CADM2: variants seen among roughly 807,000 people sequenced by gnomAD.
The protein encoded by CADM2 is cell adhesion molecule 2.
In CADM2, 12 loss-of-function variants were observed where a neutral mutation model predicts 49.8. The ratio of observed to expected loss-of-function variants is 0.24; its 90% confidence interval spans 0.15 to 0.39. The LOEUF (loss-of-function observed/expected upper bound fraction) is 0.39, where lower values mean the gene tolerates loss of function less well. Ranked by LOEUF, CADM2 falls within the 10% of genes least tolerant of loss-of-function variation. The probability of loss-of-function intolerance (pLI) is 1.00; values close to 1 mark genes in which losing one functional copy is unlikely to be tolerated. For synonymous variants in CADM2, 214 were observed against 175.4 expected, an observed-to-expected ratio of 1.22 and a Z score of -1.74; for missense variants, 378 against 492.3, an observed-to-expected ratio of 0.77 and a Z score of 2.20.
intron 2 of CADM2, among the ~76,000 whole-genome samples, chr3:85,789,803 A>G (rs1265859716): frequency 6.6e-6 from 1 of 152,178 alleles, no homozygotes; most frequent in Admixed American, 6.6e-5. Context: ...TATTTATTCT[A>G]TTTGACTAAT....
intron 8 of CADM2, among the ~76,000 whole-genome samples, chr3:86,061,467 A>G (rs1738639706): frequency 6.6e-6 from 1 of 152,162 alleles, no homozygotes; most frequent in South Asian, 2.1e-4. Flanking sequence ...CTGGCTATAA[A>G]AACAGAAGTT....
At chr3:85,484,881 T>G (rs2039355073) in intron 1 of CADM2, among the ~76,000 whole-genome samples, 1 of 151,958 alleles carries the variant, frequency 6.6e-6, no homozygotes, top group Admixed American at 6.6e-5. Context: ...TGATAGAGTT[T>G]GGATTTTTGA....
At chr3:84,982,484 G>A (rs576286316) in intron 1 of CADM2, among the ~76,000 whole-genome samples, 4 of 151,342 alleles carry the variant, frequency 2.6e-5, no homozygotes, top group African/African-American at 9.7e-5. Context: ...CTAATTACAC[G>A]TTTAGGTTTT....
intron 1 of CADM2, among the ~76,000 whole-genome samples, chr3:85,694,633 T>A: frequency 6.6e-6 from 1 of 152,382 alleles, no homozygotes; most frequent in Non-Finnish European, 1.5e-5. Context: ...TATTTATTCA[T>A]ACTTTTCTTC....
chr3:85,045,923 A>G (rs565284676), intron 1 of CADM2, among the ~76,000 whole-genome samples: 53 of 152,262 alleles, frequency 3.5e-4, no homozygotes, highest in Non-Finnish European at 6.3e-4. Flanking sequence ...CCCTAAGTAG[A>G]CATCTTAGGA....
chr3:85,651,851 T>C, intron 1 of CADM2, among the ~76,000 whole-genome samples: 1 of 150,524 alleles, frequency 6.6e-6, no homozygotes, highest in Non-Finnish European at 1.5e-5. Context: ...AGAGTCACGC[T>C]CTGTCACCCA....
intron 1 of CADM2, among the ~76,000 whole-genome samples, chr3:85,258,922 T>C (rs1253923434): frequency 6.6e-6 from 1 of 152,146 alleles, no homozygotes; most frequent in Non-Finnish European, 1.5e-5. Flanking sequence ...TGTTCCAAAG[T>C]GAAAGCAGTG....
At chr3:85,442,633 T>TATAA (rs2037264908) in intron 1 of CADM2, among the ~76,000 whole-genome samples, 1 of 125,612 alleles carries the variant, frequency 8.0e-6, no homozygotes, top group South Asian at 2.5e-4. Flanking sequence ...TATATATATA[T>TATAA]GAATATTGCC....
chr3:85,481,246 A>ATG (rs1398206261), intron 1 of CADM2, among the ~76,000 whole-genome samples: 37 of 149,128 alleles, frequency 2.5e-4, no homozygotes, highest in Non-Finnish European at 5.2e-4. Context: ...ATATATATAT[A>ATG]TGTTTTGTAT....
At chr3:85,351,368 T>G (rs543484415) in intron 1 of CADM2, among the ~76,000 whole-genome samples, 1 of 152,258 alleles carries the variant, frequency 6.6e-6, no homozygotes, top group East Asian at 1.9e-4. Context: ...GGATATCACA[T>G]CAAAATAGGC....
At chr3:85,251,170 A>C (rs543007203) in intron 1 of CADM2, among the ~76,000 whole-genome samples, 2 of 151,976 alleles carry the variant, frequency 1.3e-5, no homozygotes, top group South Asian at 4.1e-4. Context: ...CAATTTACAA[A>C]ATATAAGTGT....
At chr3:86,065,238 A>G (rs1219225656) in intron 8 of CADM2, among the ~76,000 whole-genome samples, 4 of 152,246 alleles carry the variant, frequency 2.6e-5, no homozygotes, top group African/African-American at 9.6e-5. Context: ...ACATTATTTT[A>G]ACTTGATAAC....
chr3:85,014,814 G>A (rs769668954), intron 1 of CADM2, among the ~76,000 whole-genome samples: 2 of 151,208 alleles, frequency 1.3e-5, no homozygotes, highest in Non-Finnish European at 1.5e-5. Context: ...TACCATCAAT[G>A]TTTCATTATG....
At chr3:85,558,049 C>A (rs1257892214) in intron 1 of CADM2, among the ~76,000 whole-genome samples, 1 of 151,924 alleles carries the variant, frequency 6.6e-6, no homozygotes, top group Admixed American at 6.6e-5. Flanking sequence ...CCTGTAAAAC[C>A]AGTCCTAATT....
intron 1 of CADM2, among the ~76,000 whole-genome samples, chr3:85,416,290 A>G (rs1016630211): frequency 1.8e-4 from 27 of 152,136 alleles, no homozygotes; most frequent in African/African-American, 6.3e-4. Context: ...GATCTCTCTT[A>G]TTCTTTTGAT....
Position 85,269,712 on chromosome 3 carries a change from A to G in CADM2, c.61+310044A>G, listed in dbSNP as rs541694512. 5.3e-5 allele frequency among the ~76,000 whole-genome samples: 8 copies of G among 151,514 alleles called. No homozygotes were observed. In the South Asian group the frequency reaches 1.7e-3, roughly 31 times the overall value. On this transcript the variant is annotated intron_variant, in intron 1 of 9. Coordinates refer to ENST00000383699, the MANE Select transcript of CADM2 (RefSeq NM_001167675.2). ...TATGTGACAGAAAGACAATCAAAAG[A>G]CATATGGCATTAACAATTCTCAATT...
At chr3:85,702,673 TA>T (rs1188131394) in intron 1 of CADM2, among the ~76,000 whole-genome samples, 7 of 152,196 alleles carry the variant, frequency 4.6e-5, no homozygotes, top group African/African-American at 1.7e-4. Flanking sequence ...ATGATAACTT[TA>T]TTTTTTTCAT....
chr3:85,897,051 A>G (rs140130682), intron 5 of CADM2, among the ~76,000 whole-genome samples: 2 of 152,194 alleles, frequency 1.3e-5, no homozygotes, highest in East Asian at 3.9e-4. Context: ...CTAATAAGCA[A>G]AGCATTAATA....
chr3:85,323,372 G>A (rs1477187577), intron 1 of CADM2, among the ~76,000 whole-genome samples: 2 of 152,006 alleles, frequency 1.3e-5, no homozygotes, highest in Non-Finnish European at 2.9e-5. Flanking sequence ...CTTTGTCCAG[G>A]CATTTTCTTA....
Sources: allele counts gnomAD v4.1 joint callset (sites outside exome capture counted in the v4.1 genomes callset), GRCh38; gene constraint gnomAD v4.1.1; transcripts MANE v1.5; gene names NCBI Gene and HGNC (gene_info 2026-07-23, HGNC 2026-07-21).